The following TMEFF2 variants were observed in gnomAD, a reference collection of about 807,000 sequenced individuals.
TMEFF2 encodes the protein tomoregulin-2.
In TMEFF2, 28 loss-of-function variants were observed where a neutral mutation model predicts 53.8. The observed-to-expected ratio is 0.52, with a 90% CI of 0.39 to 0.71. The LOEUF (loss-of-function observed/expected upper bound fraction) is 0.71. Among genes scored for constraint, TMEFF2 ranks in the 30% least tolerant of loss-of-function variants. The pLI, the probability that TMEFF2 is intolerant of heterozygous loss-of-function variation, is 0.00. For synonymous variants in TMEFF2, 162 were observed against 166.3 expected (o/e 0.97, Z 0.20); for missense variants, 353 against 455.2 (o/e 0.78, Z 2.04).
At chr2:192,145,606 T>C (rs1417553705) in intron 4 of TMEFF2, among the ~76,000 whole-genome samples, 1 of 152,008 alleles carries the variant, frequency 6.6e-6, no homozygotes, top group Non-Finnish European at 1.5e-5. Context: ...ATGGCTCTTC[T>C]GCATAATTGA....
chr2:192,004,452 A>C (rs1385887352), intron 5 of TMEFF2, among the ~76,000 whole-genome samples: 2 of 152,172 alleles, frequency 1.3e-5, no homozygotes, highest in South Asian at 2.1e-4. Flanking sequence ...TTATTGCTAC[A>C]TTAAACCACT....
chr2:192,060,250 A>T lies in TMEFF2; in HGVS notation c.440-2475T>A, dbSNP rs560707309. ...GGGCTTCTGATGCTTTAAAGTGCACAGGAAGCACCTAGAGGTTTAGTTAAA... is the reference window on the plus strand; with the variant it reads ...GGGCTTCTGATGCTTTAAAGTGCACTGGAAGCACCTAGAGGTTTAGTTAAA... On this transcript the variant is annotated intron_variant, in intron 4 of 9. Transcript: ENST00000272771. 1.1e-4 allele frequency among the ~76,000 whole-genome samples: 16 copies of T among 152,266 alleles called. No homozygotes were observed. In the South Asian group the frequency reaches 2.5e-3, roughly 24 times the overall value.
At chr2:192,019,059 ATATC>A (rs1686804164) in intron 5 of TMEFF2, among the ~76,000 whole-genome samples, 1 of 152,218 alleles carries the variant, frequency 6.6e-6, no homozygotes, top group East Asian at 1.9e-4. Flanking sequence ...CATTTTGTAC[ATATC>A]TATTATAAAT....
At chr2:192,079,439 A>G (rs1688504561) in intron 4 of TMEFF2, among the ~76,000 whole-genome samples, 1 of 152,206 alleles carries the variant, frequency 6.6e-6, no homozygotes, top group Non-Finnish European at 1.5e-5. Flanking sequence ...ATTTGTTACA[A>G]TGACTATTTC....
intron 2 of TMEFF2, 78 bp from the exon 3 acceptor site, chr2:192,184,561 T>C (rs1691266410): frequency 6.5e-7 from 1 of 1,541,496 alleles, no homozygotes; most frequent in Non-Finnish European, 8.8e-7. Context: ...GAAATAATCA[T>C]TTACAAAAGA....
intron 3 of TMEFF2, among the ~76,000 whole-genome samples, chr2:192,184,008 C>A (rs964144407): frequency 1.3e-5 from 2 of 152,076 alleles, no homozygotes; most frequent in East Asian, 3.9e-4. Flanking sequence ...ATAAACAATA[C>A]AACTGTATTC....
rs79839767 is a variant in TMEFF2, at chr2:191,954,913, T to G, written c.870-1076A>C. ...AAGAGGATCAACATATCATTGATTT[T>G]GTGGAACTATTCTATTACTTCACTT... On this transcript the variant is annotated intron_variant, in intron 8 of 9. Transcript: ENST00000272771. Among the ~76,000 whole-genome samples the G allele has an allele frequency of 7.6e-3, 1,155 of 152,266 alleles. 19 individuals are homozygous for G. The highest frequency in any genetic ancestry group is 0.027 in the African/African-American group (1,102 of 41,556).
intron 7 of TMEFF2, among the ~76,000 whole-genome samples, chr2:191,957,826 T>C (rs971712435): frequency 1.3e-5 from 2 of 152,202 alleles, no homozygotes; most frequent in African/African-American, 4.8e-5. Flanking sequence ...TTAGCTAGGA[T>C]GGTTGGTGAT....
intron 1 of TMEFF2, among the ~76,000 whole-genome samples, chr2:192,192,461 T>TC (rs1365148693): frequency 6.6e-6 from 1 of 152,110 alleles, no homozygotes; most frequent in Non-Finnish European, 1.5e-5. Flanking sequence ...TTGAAATGTA[T>TC]CCAGACAAAG....
chr2:191,980,979 A>G (rs931066860), intron 7 of TMEFF2, among the ~76,000 whole-genome samples: 2 of 152,030 alleles, frequency 1.3e-5, no homozygotes, highest in Non-Finnish European at 2.9e-5. Context: ...ACCATCATCC[A>G]CAACACTCAT....
intron 4 of TMEFF2, among the ~76,000 whole-genome samples, chr2:192,107,830 A>G (rs1689185027): frequency 6.6e-6 from 1 of 151,812 alleles, no homozygotes; most frequent in African/African-American, 2.4e-5. Flanking sequence ...AGTAGTGCAG[A>G]ACAATCAAGA....
chr2:192,152,212 A>G (rs1243899075), intron 4 of TMEFF2, among the ~76,000 whole-genome samples: 1 of 151,934 alleles, frequency 6.6e-6, no homozygotes, highest in African/African-American at 2.4e-5. Flanking sequence ...ACTGTGGGTG[A>G]CAGTGAAGGC....
intron 5 of TMEFF2, among the ~76,000 whole-genome samples, chr2:192,046,232 CA>C (rs1247457915): frequency 6.6e-6 from 1 of 152,072 alleles, no homozygotes; most frequent in Non-Finnish European, 1.5e-5. Flanking sequence ...GGGCATGTGG[CA>C]TGCACCTGTA....
At position 191,953,847 on chromosome 2, in the gene TMEFF2, A is replaced by G. The variant is rs1255850943; in HGVS notation, c.870-10T>C. 3 of 1,577,842 alleles carry G rather than the reference A, an allele frequency of 1.9e-6. No individual in the cohort carries two copies. Among genetic ancestry groups the G allele is most frequent in the Non-Finnish European group, 1.7e-6 (2 of 1,154,930 alleles). On this transcript the variant is annotated splice_polypyrimidine_tract_variant and intron_variant, in intron 8 of 9. Coordinates refer to ENST00000272771, the MANE Select transcript of TMEFF2 (RefSeq NM_016192.4). ...ATAACCAGCATCACACCTGGAAGAA[A>G]TTATAGTGCCCAGTTACCTGTAGGG...
At chr2:192,182,046 GCATTTC>G (rs1194044544) in intron 3 of TMEFF2, among the ~76,000 whole-genome samples, 1 of 151,712 alleles carries the variant, frequency 6.6e-6, no homozygotes, top group Non-Finnish European at 1.5e-5. Flanking sequence ...CCTAGTTAAT[GCATTTC>G]CTACAAGGCA....
intron 5 of TMEFF2, 47 bp downstream of exon 5, chr2:192,057,629 AATT>A (rs1358545080): frequency 6.8e-7 from 1 of 1,476,946 alleles, no homozygotes; most frequent in Non-Finnish European, 9.5e-7. Flanking sequence ...GTTAAAAAGA[AATT>A]AATCACTGTC....
rs1265882289 is a variant in TMEFF2, at chr2:191,999,198, T to C, written c.547A>G (p.Asn183Asp). ...EDAEDVWCVC[N>D]IDCSQTNFNP... is the part of the protein sequence containing the mutation. ...AAGTTGGTTTGAGAACAGTCAATAT[T>C]ACACACACACCTAAAAAAAGAGAGA... The change falls in exon 6 of 10, where the codon AAT becomes GAT. Residue 183 changes from asparagine (N) to aspartate (D), a missense_variant. Around this residue, in one of 3 missense-constraint regions of TMEFF2, gnomAD observed 294 missense variants for 397.3 expected, o/e 0.74. Transcript: ENST00000272771. 2 of 1,600,146 alleles carry C rather than the reference T, an allele frequency of 1.2e-6. No individual in the cohort carries two copies. Among genetic ancestry groups the C allele is most frequent in the Admixed American group, 1.7e-5 (1 of 59,412 alleles).
intron 2 of TMEFF2, among the ~76,000 whole-genome samples, chr2:192,188,647 TA>T (rs1691376215): frequency 6.6e-6 from 1 of 152,216 alleles, no homozygotes; most frequent in South Asian, 2.1e-4. Flanking sequence ...ACTTATTAAA[TA>T]AAAACATTTA....
intron 7 of TMEFF2, among the ~76,000 whole-genome samples, chr2:191,997,531 A>G (rs1281605418): frequency 2.6e-5 from 4 of 151,574 alleles, no homozygotes; most frequent in Non-Finnish European, 5.9e-5. Flanking sequence ...AAAACTTCAC[A>G]TATCATTATC....
Sources: gnomAD v4.1 joint callset for allele counts (sites outside exome capture counted in the v4.1 genomes callset) on GRCh38, gnomAD v4.1.1 for gene constraint, gnomAD v4.1.1 regional missense constraint, MANE v1.5 for transcripts, NCBI Gene and HGNC (gene_info 2026-07-23, HGNC 2026-07-21) for gene names.